Variants in CHERP observed in about 807,000 individuals in gnomAD.
The protein encoded by CHERP is calcium homeostasis endoplasmic reticulum protein, also known as ERPROT 213-21.
CHERP carries 8 observed loss-of-function variants against 113.8 expected under a neutral mutation model. That is an observed-to-expected ratio of 0.07 (90% CI 0.04 to 0.13). The LOEUF (loss-of-function observed/expected upper bound fraction) is 0.13. CHERP is among the 10% of genes least tolerant of loss of function. The probability of loss-of-function intolerance (pLI) is 1.00; values close to 1 mark genes in which losing one functional copy is unlikely to be tolerated. For missense variants in CHERP, 884 were observed against 1,298.2 expected (o/e 0.68, Z 4.90); for synonymous variants, 559 against 524.5 (o/e 1.07, Z -0.90).
In CHERP at chr19:16,518,999, C is replaced by T. The variant is rs1350249894; in HGVS notation, c.*160G>A. 5.7e-6 allele frequency: 4 copies of T among 702,548 alleles called. No homozygotes were observed. Among genetic ancestry groups the T allele is most frequent in the Non-Finnish European group, 9.3e-6 (4 of 432,158 alleles). The allele number at this position is 702,548 out of a possible 1,614,324, so 43.5% of individuals were successfully genotyped here. ...CCTCCACGCCATGGAGCACGGCGTT[C>T]CCACTGGGCATGCGCTGGTCTTCCT... On this transcript the variant is annotated 3_prime_UTR_variant, in exon 17 of 17. Coordinates refer to ENST00000546361, the MANE Select transcript of CHERP (RefSeq NM_006387.6).
At position 16,520,701 on chromosome 19, in the gene CHERP, A is replaced by G; in HGVS notation, c.2201+125T>C. ...GCTGTGTGAATTCAGGCCTTGTGGA[A>G]AACACCGCCCCATAGGCACAGGCTG... On this transcript the variant is annotated intron_variant, in intron 13 of 16. Transcript: ENST00000546361. This position sits in a 1 kb window ranked among gnomAD's most constrained non-coding sequence, Gnocchi z 4.0. 8.4e-7 allele frequency: 1 copy of G among 1,188,372 alleles called. No individual in the cohort carries two copies. Among genetic ancestry groups the G allele is most frequent in the Non-Finnish European group, 1.2e-6 (1 of 812,200 alleles). The allele number at this position is 1,188,372 out of a possible 1,614,324, so 73.6% of individuals were successfully genotyped here.
At chr19:16,529,584 C>A in intron 8 of CHERP, 64 bp downstream of exon 8, 1 of 1,506,948 alleles carries the variant, frequency 6.6e-7, no homozygotes, top group Admixed American at 2.0e-5. Flanking sequence ...TTTCTGACTA[C>A]ACTCGGTGCC....
chr19:16,542,315 G>C, intron 1 of CHERP, 39 bp downstream of exon 1: 1 of 1,407,022 alleles, frequency 7.1e-7, no homozygotes, highest in East Asian at 2.8e-5. Flanking sequence ...GGAGGTTCCG[G>C]GGAGAGAGAA....
chr19:16,534,052 C>CTTTTTT (rs200659711), intron 3 of CHERP, among the ~76,000 whole-genome samples: 10 of 133,816 alleles, frequency 7.5e-5, no homozygotes, highest in African/African-American at 1.9e-4. Context: ...ACTTTCTTTT[C>CTTTTTT]TTTTCTTTTT....
chr19:16,520,015 A>G lies in CHERP; in HGVS notation c.2462+134T>C. 1 of 927,182 alleles carries G rather than the reference A, an allele frequency of 1.1e-6. No homozygotes were observed. Among genetic ancestry groups the G allele is most frequent in the Non-Finnish European group, 1.7e-6 (1 of 596,484 alleles). 57.4% of individuals were successfully genotyped at this position (927,182 alleles called of 1,614,324 possible). On this transcript the variant is annotated intron_variant, in intron 15 of 16. Coordinates refer to ENST00000546361, the MANE Select transcript of CHERP (RefSeq NM_006387.6). The surrounding 1 kb of genome is among the most constrained non-coding windows in gnomAD (Gnocchi z 4.0). ...CAAGTGGCTACTGTGGTGAAGGGTGAGGGGTGCCACTGTCCCCGGGCTAAT... is the reference window on the plus strand; with the variant it reads ...CAAGTGGCTACTGTGGTGAAGGGTGGGGGGTGCCACTGTCCCCGGGCTAAT...
chr19:16,535,319 C>G lies in CHERP; in HGVS notation c.384+133G>C, dbSNP rs1212789461. 14 of 910,360 alleles carry G rather than the reference C, an allele frequency of 1.5e-5. No individual in the cohort carries two copies. Among genetic ancestry groups the G allele is most frequent in the Non-Finnish European group, 2.2e-5 (13 of 601,062 alleles). 56.4% of individuals were successfully genotyped at this position (910,360 alleles called of 1,614,324 possible). On this transcript the variant is annotated intron_variant, in intron 3 of 16. Transcript: ENST00000546361. This position sits in a 1 kb window ranked among gnomAD's most constrained non-coding sequence, Gnocchi z 4.3. ...CAGGGCTGGGGGTGACAGTGGCTGA[C>G]ATGCACCGAGCCCTGGGTGGCAGGG... is the stretch of plus-strand genomic sequence containing the variant.
At chr19:16,524,944 A>G in intron 10 of CHERP, among the ~76,000 whole-genome samples, 1 of 152,106 alleles carries the variant, frequency 6.6e-6, no homozygotes, top group Non-Finnish European at 1.5e-5. Flanking sequence ...AAAAACAAGC[A>G]GCAGCAGTAA....
At chr19:16,536,879 G>A (rs1047556037) in intron 2 of CHERP, among the ~76,000 whole-genome samples, 2 of 152,292 alleles carry the variant, frequency 1.3e-5, no homozygotes, top group African/African-American at 4.8e-5. Context: ...GGGCGTGGTG[G>A]CGGGCACCTG....
At position 16,540,456 on chromosome 19, in the gene CHERP, T is replaced by A. The variant is rs910880104; in HGVS notation, c.199+1414A>T. Among the ~76,000 whole-genome samples the A allele has an allele frequency of 2.0e-5, 3 of 150,424 alleles. No homozygotes were observed. The South Asian group carries it at 6.3e-4, about 31-fold the overall frequency. The stretch of plus-strand genomic sequence containing the variant: ...GGTGTGGTCTCGGCTCAATGCAACC[T>A]CCAGCTCCCAGGTTCAAGCGATTCT... On this transcript the variant is annotated intron_variant, in intron 2 of 16. Coordinates refer to ENST00000546361, the MANE Select transcript of CHERP (RefSeq NM_006387.6).
In CHERP at chr19:16,529,664, C is replaced by A. The variant is rs762650242; in HGVS notation, c.1113G>T (p.Pro371=). The A allele has an allele frequency of 2.1e-5, 32 of 1,547,164 alleles. No individual in the cohort carries two copies. Among genetic ancestry groups the A allele is most frequent in the Non-Finnish European group, 2.6e-5 (30 of 1,150,868 alleles). The change falls in exon 8 of 17, where the codon CCG becomes CCT. Residue 371 remains proline, a synonymous_variant. Coordinates refer to ENST00000546361, the MANE Select transcript of CHERP (RefSeq NM_006387.6). ...PPAPAPAPAI[P]PTTQPDDSKP... is the part of the protein sequence containing the mutation. ...GCCCCGTACCAGGCTGGGTGGTGGG[C>A]GGGATGGCAGGGGCAGGTGCTGGGG...
chr19:16,535,005 G>A lies in CHERP; in HGVS notation c.384+447C>T, dbSNP rs1321587585. Reference sequence around the variant, plus strand: ...GCAGGAGAATCGTTTGAACTCGGGAGGTAGGGGCTGCAGTGAGCTGAGATC... The same window carrying A: ...GCAGGAGAATCGTTTGAACTCGGGAAGTAGGGGCTGCAGTGAGCTGAGATC... On this transcript the variant is annotated intron_variant, in intron 3 of 16. Coordinates refer to ENST00000546361, the MANE Select transcript of CHERP (RefSeq NM_006387.6). This position sits in a 1 kb window ranked among gnomAD's most constrained non-coding sequence, Gnocchi z 4.3. 2.6e-5 allele frequency among the ~76,000 whole-genome samples: 4 copies of A among 152,202 alleles called. No individual in the cohort carries two copies. The highest frequency in any genetic ancestry group is 9.6e-5 in the African/African-American group (4 of 41,536).
chr19:16,527,933 T>C, intron 9 of CHERP, 147 bp downstream of exon 9: 1 of 797,728 alleles, frequency 1.3e-6, no homozygotes, highest in Non-Finnish European at 2.0e-6. Flanking sequence ...AAGACAGGGC[T>C]GTCACTAACC....
At chr19:16,522,564 T>C (rs1315633491) in intron 11 of CHERP, among the ~76,000 whole-genome samples, 1 of 152,152 alleles carries the variant, frequency 6.6e-6, no homozygotes, top group Non-Finnish European at 1.5e-5. Context: ...TGGCCAGACC[T>C]GGCCCCTTCT....
Position 16,538,839 on chromosome 19 carries a change from C to T in CHERP, c.199+3031G>A, listed in dbSNP as rs927545053. Reference sequence around the variant, plus strand: ...AGCTCAGTCACCCAAGCCAAAGCACCGTCTGAGGTGTCTTCCTCCCCTGCT... The same window carrying T: ...AGCTCAGTCACCCAAGCCAAAGCACTGTCTGAGGTGTCTTCCTCCCCTGCT... On this transcript the variant is annotated intron_variant, in intron 2 of 16. Transcript: ENST00000546361. Among the ~76,000 whole-genome samples the T allele has an allele frequency of 3.3e-5, 5 of 151,848 alleles. No individual in the cohort carries two copies. In the East Asian group the frequency reaches 9.7e-4, roughly 29 times the overall value.
chr19:16,533,089 C>A lies in CHERP; in HGVS notation c.444G>T (p.Glu148Asp). 6.3e-7 allele frequency: 1 copy of A among 1,582,998 alleles called. No individual in the cohort carries two copies. Among genetic ancestry groups the A allele is most frequent in the Non-Finnish European group, 8.6e-7 (1 of 1,164,490 alleles). ...AVEQQMQKLL[E>D]ETQLDMNEFD... The stretch of plus-strand genomic sequence containing the variant: ...ACTCGTTCATGTCTAGCTGGGTCTC[C>A]TCCAGAAGCTTCTGCATCTGCTGCT... Residue 148 changes from glutamate to aspartate, a missense_variant, in exon 4 of 17, where the codon GAG becomes GAT. Transcript: ENST00000546361.
rs2085606606 is a variant in CHERP at position 16,520,811 on chromosome 19, C to T, written c.2201+15G>A. ...ACCCTGGCCCCCCGGCCACTGCAGA[C>T]ATCTGCGCTTTTACCTGTTCCTCTT... On this transcript the variant is annotated intron_variant, in intron 13 of 16. Transcript: ENST00000546361. This position sits in a 1 kb window ranked among gnomAD's most constrained non-coding sequence, Gnocchi z 4.0. The T allele has an allele frequency of 6.2e-7, 1 of 1,612,898 alleles. No homozygotes were observed. Among genetic ancestry groups the T allele is most frequent in the Non-Finnish European group, 8.5e-7 (1 of 1,179,564 alleles).
chr19:16,519,767 G>T lies in CHERP; in HGVS notation c.2463-52C>A. 6.8e-7 allele frequency: 1 copy of T among 1,464,468 alleles called. No individual in the cohort carries two copies. Among genetic ancestry groups the T allele is most frequent in the Non-Finnish European group, 9.6e-7 (1 of 1,044,108 alleles). The allele number at this position is 1,464,468 out of a possible 1,614,324, so 90.7% of individuals were successfully genotyped here. A position where few individuals can be genotyped will look rare whatever the true frequency, so the allele number is the denominator to read the frequency against. ...TAAGAAGTAACTGAGACATTTATTG[G>T]AATGACAGTGATGAGGACCTCACAG... On this transcript the variant is annotated intron_variant, in intron 15 of 16. Transcript: ENST00000546361. This position sits in a 1 kb window ranked among gnomAD's most constrained non-coding sequence, Gnocchi z 6.0.
At chr19:16,531,454 T>A (rs1029685601) in intron 5 of CHERP, among the ~76,000 whole-genome samples, 2 of 151,994 alleles carry the variant, frequency 1.3e-5, no homozygotes, top group Non-Finnish European at 2.9e-5. Flanking sequence ...ACACTGTGCA[T>A]ACCTGGCCTG....
At position 16,518,899 on chromosome 19, in the gene CHERP, G is replaced by C. The variant is rs1214486083; in HGVS notation, c.*260C>G. 6 of 512,628 alleles carry C rather than the reference G, an allele frequency of 1.2e-5. No homozygotes were observed. The highest frequency in any genetic ancestry group is 1.7e-5 in the Non-Finnish European group (5 of 291,790). The allele number at this position is 512,628 out of a possible 1,614,324, so 31.8% of individuals were successfully genotyped here. ...CGGAGGGTCTTGTGTTTTTTGCTTC[G>C]CTATAAAGGAAAACGAGCCTGGGGC... On this transcript the variant is annotated 3_prime_UTR_variant, in exon 17 of 17. Coordinates refer to ENST00000546361, the MANE Select transcript of CHERP (RefSeq NM_006387.6).
Sources: allele counts gnomAD v4.1 joint callset (sites outside exome capture counted in the v4.1 genomes callset), GRCh38; gene constraint gnomAD v4.1.1; non-coding constraint Gnocchi (gnomAD v3.1); transcripts MANE v1.5; gene names NCBI Gene and HGNC (gene_info 2026-07-23, HGNC 2026-07-21).